The following SHISA3 variants were observed in gnomAD, a reference collection of about 807,000 sequenced individuals.
SHISA3 encodes protein shisa-3 homolog.
SHISA3 carries 15 observed loss-of-function variants against 19.2 expected under a neutral mutation model. The ratio of observed to expected loss-of-function variants is 0.78; its 90% CI spans 0.52 to 1.20. SHISA3 has a LOEUF of 1.20. SHISA3 is among the 50% of genes most tolerant of loss of function. The pLI, the probability that SHISA3 is intolerant of heterozygous loss-of-function variation, is 0.00. For synonymous variants in SHISA3, 145 were observed against 135.2 expected, an observed-to-expected ratio of 1.07 and a Z score of -0.50; for missense variants, 327 against 315.7, an observed-to-expected ratio of 1.04 and a Z score of -0.27.
At position 42,398,053 on chromosome 4, in the gene SHISA3, G is replaced by A; in HGVS notation, c.-4G>A. 4 of 1,576,432 alleles carry A rather than the reference G, an allele frequency of 2.5e-6. No homozygotes were observed. Among genetic ancestry groups the A allele is most frequent in the Non-Finnish European group, 8.6e-7 (1 of 1,162,890 alleles). ...CTCCCGGCCGCCCAGGGAGCCCAGT[G>A]GCGATGAGGGCACTGCTGGCGCTTT... On this transcript the variant is annotated 5_prime_UTR_variant, in exon 1 of 2. Coordinates refer to ENST00000319234, the MANE Select transcript of SHISA3 (RefSeq NM_001080505.3).
At chr4:42,398,590 A>G (rs1426654757) in intron 1 of SHISA3, among the ~76,000 whole-genome samples, 3 of 152,072 alleles carry the variant, frequency 2.0e-5, no homozygotes. Context: ...TTTGCCAGGG[A>G]CAGTGAGGAG....
Position 42,398,295 on chromosome 4 carries a change from A to G in SHISA3, c.239A>G (p.Asn80Ser). Residue 80 changes from asparagine to serine, a missense_variant, in exon 1 of 2, where the codon AAC becomes AGC. Physicochemically the swap from Asn to Ser is conservative, Grantham distance 46. Coordinates refer to ENST00000319234, the MANE Select transcript of SHISA3 (RefSeq NM_001080505.3). The stretch of plus-strand genomic sequence containing the variant: ...AGGCTGGAGCAGGGCGGCTGCACCA[A>G]CGACCGCCGCGAACTGGAGCACCCA... ...DARLEQGGCTNDRRELEHPGI... is the reference protein window; with the variant it reads ...DARLEQGGCTSDRRELEHPGI... 1.9e-6 allele frequency: 3 copies of G among 1,562,584 alleles called. No homozygotes were observed. In the South Asian group the frequency reaches 3.5e-5, roughly 18 times the overall value.
Position 42,398,592 on chromosome 4 carries a change from A to G in SHISA3, c.277+259A>G, listed in dbSNP as rs575449374. Among the ~76,000 whole-genome samples, 427 of 152,256 alleles carry G rather than the reference A, an allele frequency of 2.8e-3. 1 individual carries two copies. The highest frequency in any genetic ancestry group is 6.8e-3 in the Middle Eastern group (2 of 294). On this transcript the variant is annotated intron_variant, in intron 1 of 1. Transcript: ENST00000319234. ...CCCGCAGGGAAAGTTTGCCAGGGAC[A>G]GTGAGGAGCGCGGGGCTTGTGCCTG...
rs1560286593 is a variant in SHISA3 at position 42,398,193 on chromosome 4, A to G, written c.137A>G (p.Glu46Gly). The G allele has an allele frequency of 6.2e-6, 10 of 1,605,826 alleles. No homozygotes were observed. The highest frequency in any genetic ancestry group is 8.5e-6 in the Non-Finnish European group (10 of 1,176,478). Reference sequence around the variant, plus strand: ...TACCACGAGGGCTTCCAGTGCCCAGAGGACTTCGACACGCTGGACGCTACC... The same window carrying G: ...TACCACGAGGGCTTCCAGTGCCCAGGGGACTTCGACACGCTGGACGCTACC... ...GNYHEGFQCP[E>G]DFDTLDATIC... The change falls in exon 1 of 2, where the codon GAG (glutamate) becomes GGG (glycine). Residue 46 changes from glutamate to glycine, a missense_variant. Glu to Gly is a moderately conservative substitution (Grantham distance 98). Coordinates refer to ENST00000319234, the MANE Select transcript of SHISA3 (RefSeq NM_001080505.3).
intron 1 of SHISA3, among the ~76,000 whole-genome samples, chr4:42,399,250 G>T (rs1261731030): frequency 6.6e-6 from 1 of 152,126 alleles, no homozygotes; most frequent in Non-Finnish European, 1.5e-5. Context: ...GCAAGAGAAG[G>T]TCGCCGGGAA....
chr4:42,401,462 C>T lies in SHISA3; in HGVS notation c.*11C>T, dbSNP rs1398357451. The T allele has an allele frequency of 6.4e-7, 1 of 1,552,356 alleles. No individual in the cohort carries two copies. Among genetic ancestry groups the T allele is most frequent in the Non-Finnish European group, 8.7e-7 (1 of 1,151,174 alleles). Reference sequence around the variant, plus strand: ...TTCAGTTCCAGTTGACACGCCCAGGCCATGAATCCACAACTCAGTCAGATG... The same window carrying T: ...TTCAGTTCCAGTTGACACGCCCAGGTCATGAATCCACAACTCAGTCAGATG... On this transcript the variant is annotated 3_prime_UTR_variant, in exon 2 of 2. Transcript: ENST00000319234.
rs147762618 is a variant in SHISA3, at chr4:42,401,215, C to G, written c.481C>G (p.Gln161Glu). Residue 161 changes from glutamine (Q) to glutamate (E), a missense_variant, in exon 2 of 2, where the codon CAG becomes GAG. By Grantham distance (29) the Gln-to-Glu change is conservative (BLOSUM62 2). Transcript: ENST00000319234. ...TSTSPRAPSR[Q>E]SSTATSSSST... ...CACCAGCCCCAGGGCACCCTCCCGGCAGTCCAGCACAGCCACGAGCTCCAG... is the reference window on the plus strand; with the variant it reads ...CACCAGCCCCAGGGCACCCTCCCGGGAGTCCAGCACAGCCACGAGCTCCAG... 2.5e-5 allele frequency: 40 copies of G among 1,614,102 alleles called. No homozygotes were observed. The African/African-American group carries it at 4.7e-4, about 19-fold the overall frequency.
chr4:42,397,784 C>A lies in SHISA3; in HGVS notation c.-273C>A, dbSNP rs1290417888. On this transcript the variant is annotated 5_prime_UTR_variant, in exon 1 of 2. Coordinates refer to ENST00000319234, the MANE Select transcript of SHISA3 (RefSeq NM_001080505.3). ...TGAGCCGGGCGAAGGGCGGCAGCGA[C>A]AGCCCCAGCAACTGCCTCTGCCGGC... 1.9e-5 allele frequency: 8 copies of A among 416,224 alleles called. No individual in the cohort carries two copies. The highest frequency in any genetic ancestry group is 3.0e-5 in the Non-Finnish European group (7 of 236,008). The allele number at this position is 416,224 out of a possible 1,614,324, so 25.8% of individuals were successfully genotyped here.
In SHISA3 at chr4:42,397,995, G is replaced by A; in HGVS notation, c.-62G>A. 9 of 1,426,974 alleles carry A rather than the reference G, an allele frequency of 6.3e-6. No individual in the cohort carries two copies. The highest frequency in any genetic ancestry group is 8.3e-6 in the Non-Finnish European group (9 of 1,085,548). 88.4% of individuals were successfully genotyped at this position (1,426,974 alleles called of 1,614,324 possible). A position where few individuals can be genotyped will look rare whatever the true frequency, so the allele number is the denominator to read the frequency against. ...CGGAATCGCTGTGCGCCCTGAGCCC[G>A]GGCTCAGCCCTTCGCTTTCCAGCTG... is the stretch of plus-strand genomic sequence containing the variant. On this transcript the variant is annotated 5_prime_UTR_variant, in exon 1 of 2. Transcript: ENST00000319234.
chr4:42,397,999 T>A lies in SHISA3; in HGVS notation c.-58T>A, dbSNP rs1711792022. Reference sequence around the variant, plus strand: ...ATCGCTGTGCGCCCTGAGCCCGGGCTCAGCCCTTCGCTTTCCAGCTGCGTC... The same window carrying A: ...ATCGCTGTGCGCCCTGAGCCCGGGCACAGCCCTTCGCTTTCCAGCTGCGTC... On this transcript the variant is annotated 5_prime_UTR_variant, in exon 1 of 2. Coordinates refer to ENST00000319234, the MANE Select transcript of SHISA3 (RefSeq NM_001080505.3). The A allele has an allele frequency of 2.8e-6, 4 of 1,441,604 alleles. No individual in the cohort carries two copies. The highest frequency in any genetic ancestry group is 3.7e-6 in the Non-Finnish European group (4 of 1,094,566). 89.3% of individuals were successfully genotyped at this position (1,441,604 alleles called of 1,614,324 possible). A position where few individuals can be genotyped will look rare whatever the true frequency, so the allele number is the denominator to read the frequency against.
chr4:42,398,252 T>G lies in SHISA3; in HGVS notation c.196T>G (p.Cys66Gly), dbSNP rs1387355670. ...CGGCTCCTGCGCGCTCCGCTACTGT[T>G]GCGCCGCGGCCGACGCCAGGCTGGA... ...CCGSCALRYCCAAADARLEQG... is the reference protein window; with the variant it reads ...CCGSCALRYCGAAADARLEQG... Residue 66 changes from cysteine (C) to glycine (G), a missense_variant, in exon 1 of 2, where the codon TGC (cysteine) becomes GGC (glycine). Cys to Gly is a radical substitution (Grantham distance 159). Coordinates refer to ENST00000319234, the MANE Select transcript of SHISA3 (RefSeq NM_001080505.3). 1 of 1,574,358 alleles carries G rather than the reference T, an allele frequency of 6.4e-7. No individual in the cohort carries two copies. Among genetic ancestry groups the G allele is most frequent in the Non-Finnish European group, 8.6e-7 (1 of 1,160,390 alleles).
rs1429509500 is a variant in SHISA3 at position 42,398,109 on chromosome 4, C to T, written c.53C>T (p.Pro18Leu). The change falls in exon 1 of 2, where the codon CCG becomes CTG. Residue 18 changes from proline to leucine, a missense_variant. Physicochemically the swap from Pro to Leu is moderately conservative, Grantham distance 98. Coordinates refer to ENST00000319234, the MANE Select transcript of SHISA3 (RefSeq NM_001080505.3). Reference protein sequence around the residue: ...CLLLGWLRWGPAGAQQSGEYC... With the variant: ...CLLLGWLRWGLAGAQQSGEYC... ...CTCCTTGGCTGGCTGCGCTGGGGCC[C>T]GGCGGGCGCCCAGCAGTCCGGAGAG... 3 of 1,602,858 alleles carry T rather than the reference C, an allele frequency of 1.9e-6. No homozygotes were observed. Among genetic ancestry groups the T allele is most frequent in the East Asian group, 2.3e-5 (1 of 44,252 alleles).
chr4:42,398,250 G>A lies in SHISA3; in HGVS notation c.194G>A (p.Cys65Tyr), dbSNP rs1290448656. The A allele has an allele frequency of 1.3e-6, 2 of 1,574,780 alleles. No individual in the cohort carries two copies. The highest frequency in any genetic ancestry group is 2.4e-5 in the East Asian group (1 of 42,406). ...TGCGGCTCCTGCGCGCTCCGCTACT[G>A]TTGCGCCGCGGCCGACGCCAGGCTG... is the stretch of plus-strand genomic sequence containing the variant. Reference protein sequence around the residue: ...ICCGSCALRYCCAAADARLEQ... With the variant: ...ICCGSCALRYYCAAADARLEQ... The change falls in exon 1 of 2, where the codon TGT (cysteine) becomes TAT (tyrosine). Residue 65 changes from cysteine (C) to tyrosine (Y), a missense_variant. Physicochemically the swap from Cys to Tyr is radical, Grantham distance 194 (BLOSUM62 -2). Transcript: ENST00000319234.
chr4:42,398,650 G>C (rs1276606595), intron 1 of SHISA3, among the ~76,000 whole-genome samples: 1 of 152,206 alleles, frequency 6.6e-6, no homozygotes, highest in African/African-American at 2.4e-5. Flanking sequence ...GAGCTCCCGG[G>C]AGAAGGGTAG....
chr4:42,401,139 C>T lies in SHISA3; in HGVS notation c.405C>T (p.Arg135=). The T allele has an allele frequency of 1.2e-6, 2 of 1,614,248 alleles. No homozygotes were observed. Among genetic ancestry groups the T allele is most frequent in the Non-Finnish European group, 1.7e-6 (2 of 1,180,054 alleles). ...AGGAGCCCTCGCAGCAGCCAATCCG[C>T]TTCTCACTCCGCAGCTATCAGACAG... ...RPKEPSQQPI[R]FSLRSYQTET... The change falls in exon 2 of 2, where the codon CGC becomes CGT. Residue 135 remains arginine (R), a synonymous_variant. Coordinates refer to ENST00000319234, the MANE Select transcript of SHISA3 (RefSeq NM_001080505.3).
chr4:42,398,799 C>T (rs1453829221), intron 1 of SHISA3, among the ~76,000 whole-genome samples: 2 of 151,358 alleles, frequency 1.3e-5, no homozygotes, highest in African/African-American at 2.4e-5. Context: ...ATTTGCAGCC[C>T]TTCAGGGCTA....
Position 42,398,242 on chromosome 4 carries a change from C to G in SHISA3, c.186C>G (p.Leu62=). Residue 62 remains leucine, a synonymous_variant, in exon 1 of 2, where the codon CTC becomes CTG. Transcript: ENST00000319234. The stretch of plus-strand genomic sequence containing the variant: ...CCATCTGCTGCGGCTCCTGCGCGCT[C>G]CGCTACTGTTGCGCCGCGGCCGACG... ...DATICCGSCA[L]RYCCAAADAR... The G allele has an allele frequency of 6.3e-7, 1 of 1,581,044 alleles. No homozygotes were observed. Among genetic ancestry groups the G allele is most frequent in the Non-Finnish European group, 8.6e-7 (1 of 1,164,016 alleles).
In SHISA3 at chr4:42,398,079, G is replaced by C; in HGVS notation, c.23G>C (p.Cys8Ser). 1 of 1,600,028 alleles carries C rather than the reference G, an allele frequency of 6.2e-7. No individual in the cohort carries two copies. The highest frequency in any genetic ancestry group is 8.5e-7 in the Non-Finnish European group (1 of 1,174,150). Residue 8 changes from cysteine to serine, a missense_variant, in exon 1 of 2, where the codon TGC becomes TCC. Transcript: ENST00000319234. MRALLAL[C>S]LLLGWLRWGP... Reference sequence around the variant, plus strand: ...GCGATGAGGGCACTGCTGGCGCTTTGCCTTCTCCTTGGCTGGCTGCGCTGG... The same window carrying C: ...GCGATGAGGGCACTGCTGGCGCTTTCCCTTCTCCTTGGCTGGCTGCGCTGG...
chr4:42,400,921 C>G (rs1711891533), intron 1 of SHISA3, 91 bp from the exon 2 acceptor site: 2 of 1,321,954 alleles, frequency 1.5e-6, no homozygotes, highest in Non-Finnish European at 2.1e-6. Context: ...AACTGAGTCT[C>G]CCACCTCTCA....
Sources: gnomAD v4.1 joint callset for allele counts (sites outside exome capture counted in the v4.1 genomes callset) on GRCh38, gnomAD v4.1.1 for gene constraint, MANE v1.5 for transcripts, NCBI Gene and HGNC (gene_info 2026-07-23, HGNC 2026-07-21) for gene names.